The following RFX6 variants were observed in gnomAD, a reference collection of about 807,000 sequenced individuals.
RFX6 encodes the protein DNA-binding protein RFX6.
In RFX6, 50 loss-of-function variants were observed where a neutral mutation model predicts 110.8. That is an observed-to-expected ratio of 0.45 (90% CI 0.36 to 0.57). The LOEUF (loss-of-function observed/expected upper bound fraction) is 0.57. RFX6 is among the 20% of genes least tolerant of loss of function. The pLI is 0.00. For synonymous variants in RFX6, 383 were observed against 411.2 expected (o/e 0.93, Z 0.83); for missense variants, 990 against 1,127.0 (o/e 0.88, Z 1.74).
intron 4 of RFX6, among the ~76,000 whole-genome samples, chr6:116,892,781 A>G (rs913198448): frequency 7.9e-5 from 12 of 152,178 alleles, no homozygotes; most frequent in African/African-American, 2.9e-4. Context: ...AGCTCGATTT[A>G]TAGTTTTCAA....
intron 7 of RFX6, among the ~76,000 whole-genome samples, chr6:116,913,325 G>T (rs1775394357): frequency 6.6e-6 from 1 of 152,144 alleles, no homozygotes; most frequent in Non-Finnish European, 1.5e-5. Context: ...GCCTCCCAAA[G>T]CATTGAGATT....
In RFX6 at chr6:116,893,331, G is replaced by T. The variant is rs534140047; in HGVS notation, c.567-656G>T. Reference sequence around the variant, plus strand: ...CTTAGGAGAATAAGCCATAATTTGAGAATCAGTGAGTTGCTATACTTGTAT... The same window carrying T: ...CTTAGGAGAATAAGCCATAATTTGATAATCAGTGAGTTGCTATACTTGTAT... On this transcript the variant is annotated intron_variant, in intron 4 of 18. Transcript: ENST00000332958. Among the ~76,000 whole-genome samples the T allele has an allele frequency of 1.1e-3, 167 of 152,302 alleles. 1 individual carries two copies. The highest frequency in any genetic ancestry group is 3.8e-3 in the African/African-American group (160 of 41,576).
intron 5 of RFX6, among the ~76,000 whole-genome samples, chr6:116,894,536 C>T (rs1466070230): frequency 6.6e-6 from 1 of 152,120 alleles, no homozygotes; most frequent in Non-Finnish European, 1.5e-5. Flanking sequence ...GGTGAAATTA[C>T]TGACCTGTTT....
intron 18 of RFX6, 63 bp from the exon 19 acceptor site, chr6:116,931,268 G>A: frequency 8.4e-7 from 1 of 1,195,022 alleles, no homozygotes; most frequent in Non-Finnish European, 1.2e-6. Context: ...AAAATGAGTG[G>A]CATTTGCAGA....
At chr6:116,898,553 AG>A (rs1380893486) in intron 6 of RFX6, among the ~76,000 whole-genome samples, 1 of 152,208 alleles carries the variant, frequency 6.6e-6, no homozygotes, top group Non-Finnish European at 1.5e-5. Flanking sequence ...CTAATAAAAC[AG>A]GAACAGTAAA....
At chr6:116,912,796 T>C (rs376336326) in intron 7 of RFX6, among the ~76,000 whole-genome samples, 4 of 152,312 alleles carry the variant, frequency 2.6e-5, no homozygotes, top group Non-Finnish European at 1.5e-5. Flanking sequence ...GGGAATTTCA[T>C]GTTTCTCTGC....
rs368072920 is a variant in RFX6 at position 116,877,440 on chromosome 6, C to T, written c.165C>T (p.Gly55=). 650 of 1,587,382 alleles carry T rather than the reference C, an allele frequency of 4.1e-4. 3 individuals carry two copies. The highest frequency in any genetic ancestry group is 2.9e-4 in the South Asian group (25 of 87,328). ...TGGCGGCCGAAGGGCAGCCCGGGGG[C>T]GAGCAGGGCGGCGGGGAGAAAGGCG... ...VYLAAEGQPG[G]EQGGGEKGED... Residue 55 remains glycine (G), a synonymous_variant, in exon 1 of 19, where the codon GGC becomes GGT. Coordinates refer to ENST00000332958, the MANE Select transcript of RFX6 (RefSeq NM_173560.4).
intron 4 of RFX6, among the ~76,000 whole-genome samples, chr6:116,888,729 C>T (rs1385824373): frequency 6.6e-6 from 1 of 152,114 alleles, no homozygotes; most frequent in Non-Finnish European, 1.5e-5. Flanking sequence ...ATTTAACATA[C>T]ACCAGCATAT....
Position 116,922,303 on chromosome 6 carries a change from A to G in RFX6, c.1437+152A>G, listed in dbSNP as rs903838851. The stretch of plus-strand genomic sequence containing the variant: ...GATGCTCTACGAATAAGGCAGGCCA[A>G]ATACTGAAATTAGGAATATGTCAAG... On this transcript the variant is annotated intron_variant, in intron 13 of 18. Coordinates refer to ENST00000332958, the MANE Select transcript of RFX6 (RefSeq NM_173560.4). 3 of 647,642 alleles carry G rather than the reference A, an allele frequency of 4.6e-6. No individual in the cohort carries two copies. In the Admixed American group the frequency reaches 7.4e-5, roughly 16 times the overall value. The allele number at this position is 647,642 out of a possible 1,614,324, so 40.1% of individuals were successfully genotyped here.
intron 3 of RFX6, 131 bp downstream of exon 3, chr6:116,880,798 T>C: frequency 2.1e-6 from 2 of 964,608 alleles, no homozygotes; most frequent in South Asian, 2.8e-5. Context: ...ATAAATTGTC[T>C]TAAGGACTCT....
At chr6:116,896,490 T>C (rs761822432) in intron 6 of RFX6, among the ~76,000 whole-genome samples, 5 of 152,166 alleles carry the variant, frequency 3.3e-5, no homozygotes, top group Non-Finnish European at 7.3e-5. Context: ...GATAATAAAA[T>C]ATTTTCATAA....
Position 116,927,544 on chromosome 6 carries a change from T to G in RFX6, c.2398+5T>G. Reference sequence around the variant, plus strand: ...TGCCTCCTAATTCACCAAATGGTATTGATATTTAAAAGAATTTTTCTTGGT... The same window carrying G: ...TGCCTCCTAATTCACCAAATGGTATGGATATTTAAAAGAATTTTTCTTGGT... On this transcript the variant is annotated splice_donor_5th_base_variant and intron_variant, in intron 17 of 18. Transcript: ENST00000332958. The G allele has an allele frequency of 6.2e-7, 1 of 1,611,780 alleles. No individual in the cohort carries two copies. The highest frequency in any genetic ancestry group is 8.5e-7 in the Non-Finnish European group (1 of 1,179,842).
rs567201874 is a variant in RFX6, at chr6:116,916,647, C to T, written c.972+333C>T. ...TAAAATAACACAGTGGATTTTTTTT[C>T]ACAATGCCAGTGTTTTGGCAGAAAG... is the stretch of plus-strand genomic sequence containing the variant. On this transcript the variant is annotated intron_variant, in intron 9 of 18. Coordinates refer to ENST00000332958, the MANE Select transcript of RFX6 (RefSeq NM_173560.4). Among the ~76,000 whole-genome samples the T allele has an allele frequency of 4.0e-5, 6 of 151,868 alleles. No individual in the cohort carries two copies. The South Asian group carries it at 1.2e-3, about 31-fold the overall frequency.
At chr6:116,902,388 A>G (rs1775094888) in intron 6 of RFX6, among the ~76,000 whole-genome samples, 1 of 151,996 alleles carries the variant, frequency 6.6e-6, no homozygotes, top group Admixed American at 6.6e-5. Flanking sequence ...AACAACAAAA[A>G]CAAAATAAAA....
intron 6 of RFX6, among the ~76,000 whole-genome samples, chr6:116,907,842 A>G (rs2114685283): frequency 6.6e-6 from 1 of 152,188 alleles, no homozygotes; most frequent in East Asian, 1.9e-4. Flanking sequence ...TCCAACAATT[A>G]TTGTAAAACT....
intron 6 of RFX6, among the ~76,000 whole-genome samples, chr6:116,897,932 G>T (rs1774985522): frequency 6.6e-6 from 1 of 152,118 alleles, no homozygotes; most frequent in Non-Finnish European, 1.5e-5. Flanking sequence ...GGTGATTGAA[G>T]CCATGGTAAT....
intron 16 of RFX6, among the ~76,000 whole-genome samples, chr6:116,926,325 C>T (rs1329187372): frequency 6.6e-6 from 1 of 152,084 alleles, no homozygotes; most frequent in Non-Finnish European, 1.5e-5. Flanking sequence ...CTGGATTCGG[C>T]CATTTTAGGA....
intron 9 of RFX6, among the ~76,000 whole-genome samples, chr6:116,917,158 A>C (rs560610192): frequency 2.0e-5 from 3 of 152,250 alleles, no homozygotes; most frequent in African/African-American, 7.2e-5. Context: ...TAAGTCCAGA[A>C]GCCCCTAAGC....
rs688949 is a variant in RFX6 at position 116,927,769 on chromosome 6, A to G, written c.2398+230A>G. Among the ~76,000 whole-genome samples, 31,621 of 139,826 alleles carry G rather than the reference A, an allele frequency of 0.23. 3,904 individuals are homozygous for G. Among genetic ancestry groups the G allele is most frequent in the South Asian group, 0.4 (1,663 of 4,204 alleles). The allele number at this position is 139,826 out of a possible 152,430, so 91.7% of individuals were successfully genotyped here. A position where few individuals can be genotyped will look rare whatever the true frequency, so the allele number is the denominator to read the frequency against. On this transcript the variant is annotated intron_variant, in intron 17 of 18. Transcript: ENST00000332958. ...TTTTTTTTTTTTTTTTTTTGAGACA[A>G]GGTCTTATGCTGTAGCCCAGGCTGG...
Sources: allele counts gnomAD v4.1 joint callset (sites outside exome capture counted in the v4.1 genomes callset), GRCh38; gene constraint gnomAD v4.1.1; transcripts MANE v1.5; gene names NCBI Gene and HGNC (gene_info 2026-07-23, HGNC 2026-07-21).